The following VPS13B variants were observed in gnomAD, a reference collection of about 807,000 sequenced individuals.
VPS13B encodes vacuolar protein sorting 13 homolog B.
VPS13B carries 285 observed loss-of-function variants against 426.4 expected under a neutral mutation model. The ratio of observed to expected loss-of-function variants is 0.67; its 90% CI spans 0.61 to 0.74. The LOEUF (loss-of-function observed/expected upper bound fraction) is 0.74. Among genes scored for constraint, VPS13B ranks in the 30% least tolerant of loss-of-function variants. The probability of loss-of-function intolerance (pLI) is 0.00; values close to 1 mark genes in which losing one functional copy is unlikely to be tolerated. For missense variants in VPS13B, 4,537 were observed against 4,782.6 expected, an observed-to-expected ratio of 0.95 and a Z score of 1.51; for synonymous variants, 1,676 against 1,676.4, an observed-to-expected ratio of 1.00 and a Z score of 0.01.
chr8:99,176,842 G>A (rs1319896274), intron 16 of VPS13B, among the ~76,000 whole-genome samples: 3 of 152,184 alleles, frequency 2.0e-5, no homozygotes, highest in African/African-American at 7.2e-5. Flanking sequence ...AAGAGAAGAT[G>A]AAGGATCTGA....
At chr8:99,066,157 A>G (rs1205644408) in intron 3 of VPS13B, among the ~76,000 whole-genome samples, 1 of 152,262 alleles carries the variant, frequency 6.6e-6, no homozygotes, top group Non-Finnish European at 1.5e-5. Context: ...ACTACTTTAA[A>G]GTTCATATGG....
intron 3 of VPS13B, among the ~76,000 whole-genome samples, chr8:99,073,750 CT>C (rs138043516): frequency 0.041 from 2,049 of 49,996 alleles, 54 homozygotes; most frequent in African/African-American, 0.13. Context: ...TCTTTTCTTT[CT>C]TTTATTTTTT....
At chr8:99,494,900 A>G (rs1271075677) in intron 25 of VPS13B, among the ~76,000 whole-genome samples, 1 of 151,644 alleles carries the variant, frequency 6.6e-6, no homozygotes, top group Non-Finnish European at 1.5e-5. Context: ...TATTGCTTTT[A>G]CTTTTTCCAT....
intron 39 of VPS13B, among the ~76,000 whole-genome samples, chr8:99,745,310 T>C (rs1284209591): frequency 6.6e-6 from 1 of 152,102 alleles, no homozygotes; most frequent in Non-Finnish European, 1.5e-5. Flanking sequence ...TCAATTTTAG[T>C]TGAAAAAAAT....
intron 3 of VPS13B, among the ~76,000 whole-genome samples, chr8:99,053,023 C>A (rs1341579349): frequency 6.6e-6 from 1 of 151,858 alleles, no homozygotes; most frequent in East Asian, 1.9e-4. Context: ...TTTTGTGTCT[C>A]TTATTTCCTT....
intron 33 of VPS13B, among the ~76,000 whole-genome samples, chr8:99,598,996 A>C (rs1288089920): frequency 6.6e-6 from 1 of 152,034 alleles, no homozygotes; most frequent in Non-Finnish European, 1.5e-5. Context: ...GGTTATTTCT[A>C]TCCAATGTAA....
At chr8:99,203,970 G>A (rs1056495170) in intron 17 of VPS13B, among the ~76,000 whole-genome samples, 5 of 152,114 alleles carry the variant, frequency 3.3e-5, no homozygotes, top group African/African-American at 1.2e-4. Flanking sequence ...TCCCCATCAA[G>A]CTACCATTGA....
chr8:99,642,269 T>G lies in VPS13B; in HGVS notation c.5679T>G (p.Leu1893=), dbSNP rs1189138750. The change falls in exon 34 of 62, where the codon CTT becomes CTG. Residue 1893 remains leucine, a synonymous_variant. Coordinates refer to ENST00000357162, the MANE Select transcript of VPS13B (RefSeq NM_152564.5). ...PSGKKIGVLS[L]ESLHASTRSS... ...GGAAAAAAATAGGGGTCCTCTCTCT[T>G]GAAAGTCTTCATGCATCCACAAGGT... is the stretch of plus-strand genomic sequence containing the variant. The G allele has an allele frequency of 6.2e-7, 1 of 1,614,166 alleles. No homozygotes were observed. The highest frequency in any genetic ancestry group is 1.7e-5 in the Admixed American group (1 of 60,014).
intron 19 of VPS13B, among the ~76,000 whole-genome samples, chr8:99,370,149 C>T (rs772999555): frequency 1.3e-5 from 2 of 152,176 alleles, no homozygotes; most frequent in Non-Finnish European, 2.9e-5. Flanking sequence ...GTGCCAGTCA[C>T]TGTGCTTGGC....
At chr8:99,618,114 G>A (rs1828182018) in intron 33 of VPS13B, among the ~76,000 whole-genome samples, 1 of 152,092 alleles carries the variant, frequency 6.6e-6, no homozygotes, top group Admixed American at 6.6e-5. Flanking sequence ...ACTGGGAAGG[G>A]TGAGAGAAAA....
intron 19 of VPS13B, among the ~76,000 whole-genome samples, chr8:99,336,061 A>G (rs1472155428): frequency 2.0e-5 from 3 of 152,198 alleles, no homozygotes; most frequent in Admixed American, 6.5e-5. Flanking sequence ...CGCCAAGTCA[A>G]TCCTAAGCCA....
At chr8:99,095,495 C>A (rs1464363821) in intron 3 of VPS13B, among the ~76,000 whole-genome samples, 1 of 152,062 alleles carries the variant, frequency 6.6e-6, no homozygotes, top group East Asian at 1.9e-4. Context: ...CAGAATGACT[C>A]TTTTTATACT....
chr8:99,778,714 G>C lies in VPS13B; in HGVS notation c.7462G>C (p.Asp2488His), dbSNP rs780602782. The change falls in exon 42 of 62, where the codon GAC (aspartate) becomes CAC (histidine). Residue 2488 changes from aspartate (D) to histidine (H), a missense_variant. Asp to His is a moderately conservative substitution (Grantham distance 81). This residue lies in a region of VPS13B where 4,311 missense variants were observed against 4,474.3 expected (regional missense o/e 0.96). Transcript: ENST00000357162. ...APQYLQPFVS[D>H]RNMPSELEYM... ...ACAGTACCTACAGCCATTTGTTTCC[G>C]ACAGAAATATGCCATCTGAACTAGA... 1.2e-6 allele frequency: 2 copies of C among 1,613,758 alleles called. No individual in the cohort carries two copies. The highest frequency in any genetic ancestry group is 4.5e-5 in the East Asian group (2 of 44,860).
At chr8:99,687,773 T>C (rs1588623769) in intron 35 of VPS13B, among the ~76,000 whole-genome samples, 1 of 152,082 alleles carries the variant, frequency 6.6e-6, no homozygotes, top group Admixed American at 6.5e-5. Flanking sequence ...CCTCTTTCAG[T>C]GATACAAAGT....
At chr8:99,055,211 G>A (rs1843783241) in intron 3 of VPS13B, among the ~76,000 whole-genome samples, 1 of 151,834 alleles carries the variant, frequency 6.6e-6, no homozygotes, top group Non-Finnish European at 1.5e-5. Context: ...TCTAACTTTT[G>A]TATTTTTGGT....
At chr8:99,536,692 A>C (rs1440732851) in intron 30 of VPS13B, 7 of 534,402 alleles carry the variant, frequency 1.3e-5, no homozygotes, top group Non-Finnish European at 2.3e-5. Context: ...TCCCTGTCCC[A>C]TGTCAGCTTA....
chr8:99,811,058 G>A (rs16897728), intron 44 of VPS13B, among the ~76,000 whole-genome samples: 5,565 of 152,206 alleles, frequency 0.037, 111 homozygotes, highest in East Asian at 0.047. Context: ...CTGGTTTTCT[G>A]ATTCTGTCAC....
chr8:99,337,088 C>T (rs947873788), intron 19 of VPS13B, among the ~76,000 whole-genome samples: 12 of 152,024 alleles, frequency 7.9e-5, no homozygotes, highest in Non-Finnish European at 1.3e-4. Context: ...GCACTATTCA[C>T]AATAGCAAAG....
intron 19 of VPS13B, among the ~76,000 whole-genome samples, chr8:99,298,540 T>G (rs1820170116): frequency 6.6e-6 from 1 of 152,154 alleles, no homozygotes; most frequent in East Asian, 1.9e-4. Flanking sequence ...AAAGATATAC[T>G]TTTGTCTGAT....
Sources: allele counts gnomAD v4.1 joint callset (sites outside exome capture counted in the v4.1 genomes callset), GRCh38; gene constraint gnomAD v4.1.1; regional missense constraint gnomAD v4.1.1; transcripts MANE v1.5; gene names NCBI Gene and HGNC (gene_info 2026-07-23, HGNC 2026-07-21).